DLGAP2: variants seen among roughly 807,000 people sequenced by gnomAD.
DLGAP2 encodes the protein DLG associated protein 2, also known as disks large-associated protein 2.
In DLGAP2, 26 loss-of-function variants were observed where a neutral mutation model predicts 100.3. That is an observed-to-expected ratio of 0.26 (90% CI 0.19 to 0.36). The LOEUF is 0.36. DLGAP2 is among the 10% of genes least tolerant of loss of function. DLGAP2 has a pLI of 1.00. For synonymous variants in DLGAP2, 886 were observed against 630.1 expected (o/e 1.41, Z -6.08); for missense variants, 1,858 against 1,453.2 (o/e 1.28, Z -4.53).
intron 2 of DLGAP2, among the ~76,000 whole-genome samples, chr8:1,125,118 C>T (rs886547347): frequency 6.6e-6 from 1 of 152,190 alleles, no homozygotes; most frequent in African/African-American, 2.4e-5. Flanking sequence ...AGACTCGGAC[C>T]ATTTTCCCAA....
At chr8:1,479,211 C>G (rs115868106) in intron 3 of DLGAP2, among the ~76,000 whole-genome samples, 1 of 152,200 alleles carries the variant, frequency 6.6e-6, no homozygotes, top group African/African-American at 2.4e-5. Context: ...AGGTCTAACA[C>G]GATGCTCCTT....
At chr8:849,467 G>A (rs1156482768) in intron 1 of DLGAP2, among the ~76,000 whole-genome samples, 4 of 152,230 alleles carry the variant, frequency 2.6e-5, no homozygotes, top group African/African-American at 9.6e-5. Flanking sequence ...TTAGTTCGAT[G>A]CCTGGGATGG....
chr8:1,191,075 T>C (rs1323067088), intron 2 of DLGAP2, among the ~76,000 whole-genome samples: 1 of 152,180 alleles, frequency 6.6e-6, no homozygotes, highest in East Asian at 1.9e-4. Flanking sequence ...GGCTGGGTTC[T>C]GAAGCTTTGA....
intron 3 of DLGAP2, among the ~76,000 whole-genome samples, chr8:1,334,980 C>G (rs1801242050): frequency 6.6e-6 from 1 of 152,208 alleles, no homozygotes; most frequent in Non-Finnish European, 1.5e-5. Flanking sequence ...GCAGGCACTT[C>G]CAGCAGGCCT....
intron 2 of DLGAP2, among the ~76,000 whole-genome samples, chr8:1,167,887 T>A (rs541644731): frequency 6.6e-6 from 1 of 152,184 alleles, no homozygotes; most frequent in African/African-American, 2.4e-5. Flanking sequence ...TGAGTCCATT[T>A]TTTTTTATTA....
At chr8:1,518,616 A>T (rs767034331) in intron 4 of DLGAP2, among the ~76,000 whole-genome samples, 1 of 152,108 alleles carries the variant, frequency 6.6e-6, no homozygotes, top group Non-Finnish European at 1.5e-5. Context: ...AGACACCCTT[A>T]TGTTCCTAGT....
intron 1 of DLGAP2, among the ~76,000 whole-genome samples, chr8:755,536 CTG>C (rs1402841351): frequency 6.6e-6 from 1 of 152,166 alleles, no homozygotes; most frequent in African/African-American, 2.4e-5. Context: ...TGAGCTCTGA[CTG>C]TGGGAGCAGC....
In DLGAP2 at chr8:795,837, TGTCCGGTGAGAGCAGGC is replaced by T. The variant is rs1476247370; in HGVS notation, c.18+58017_18+58033del. Among the ~76,000 whole-genome samples the T allele has an allele frequency of 1.3e-4, 14 of 110,300 alleles. 1 individual carries two copies. The highest frequency in any genetic ancestry group is 3.0e-4 in the East Asian group (1 of 3,324). The allele number at this position is 110,300 out of a possible 152,430, so 72.4% of individuals were successfully genotyped here. A position where few individuals can be genotyped will look rare whatever the true frequency, so the allele number is the denominator to read the frequency against. On this transcript the variant is annotated intron_variant, in intron 1 of 14. Transcript: ENST00000637795. Reference sequence around the variant, plus strand: ...AGAGCAGGCGTCCGGTGAGAGCAGCTGTCCGGTGAGAGCAGGCGTCCAGTGAGAGCAGGCGTCCAGTG... The same window carrying T: ...AGAGCAGGCGTCCGGTGAGAGCAGCTGTCCAGTGAGAGCAGGCGTCCAGTG...
chr8:1,075,619 T>C (rs558173534), intron 2 of DLGAP2, among the ~76,000 whole-genome samples: 15 of 152,280 alleles, frequency 9.9e-5, no homozygotes, highest in African/African-American at 3.6e-4. Context: ...GTTGAGGTCT[T>C]TGTATGTGAC....
intron 6 of DLGAP2, among the ~76,000 whole-genome samples, chr8:1,601,945 G>GATGTGATGTGTGT (rs1554506576): frequency 6.8e-6 from 1 of 146,348 alleles, no homozygotes; most frequent in Non-Finnish European, 1.5e-5. Context: ...AATTTAACAG[G>GATGTGATGTGTGT]GTGTGTGTGT....
intron 2 of DLGAP2, among the ~76,000 whole-genome samples, chr8:1,199,716 C>G (rs7843593): frequency 0.28 from 42,415 of 152,042 alleles, 5,931 homozygotes; most frequent in East Asian, 0.33. Context: ...GTGGCTCTCA[C>G]TCGGGCTGAA....
chr8:1,026,797 A>G (rs957814774), intron 2 of DLGAP2, among the ~76,000 whole-genome samples: 2 of 152,192 alleles, frequency 1.3e-5, no homozygotes, highest in African/African-American at 4.8e-5. Flanking sequence ...GCTTTAGGTA[A>G]AATATTTATG....
chr8:946,304 T>C (rs5029777), intron 2 of DLGAP2, among the ~76,000 whole-genome samples: 66,869 of 149,342 alleles, frequency 0.45, 15,815 homozygotes, highest in Admixed American at 0.56. Flanking sequence ...CACTCTGTCA[T>C]CCAGGCTGGA....
intron 3 of DLGAP2, among the ~76,000 whole-genome samples, chr8:1,279,498 A>T (rs1002541637): frequency 5.9e-5 from 9 of 152,186 alleles, no homozygotes; most frequent in Admixed American, 1.3e-4. Flanking sequence ...CTGCGGAGGG[A>T]AATTGCAATT....
intron 1 of DLGAP2, among the ~76,000 whole-genome samples, chr8:832,978 A>G (rs986500378): frequency 6.6e-6 from 1 of 152,232 alleles, no homozygotes; most frequent in South Asian, 2.1e-4. Context: ...TTTCTCACAC[A>G]GCACACTGAT....
intron 2 of DLGAP2, among the ~76,000 whole-genome samples, chr8:1,054,873 C>T (rs540793003): frequency 4.2e-4 from 64 of 152,320 alleles, no homozygotes; most frequent in Non-Finnish European, 5.9e-5. Flanking sequence ...CAACTGTTTT[C>T]ATTAATGCTT....
intron 2 of DLGAP2, among the ~76,000 whole-genome samples, chr8:1,152,323 G>A (rs551468808): frequency 2.6e-5 from 4 of 152,280 alleles, no homozygotes; most frequent in African/African-American, 9.6e-5. Context: ...TGTAAATTGT[G>A]AGGTAGTGTT....
intron 2 of DLGAP2, among the ~76,000 whole-genome samples, chr8:1,077,202 CAT>C (rs1803649123): frequency 6.6e-6 from 1 of 152,200 alleles, no homozygotes; most frequent in African/African-American, 2.4e-5. Flanking sequence ...GGACACCAGT[CAT>C]GTGGGGGCAG....
At chr8:1,594,591 T>TA (rs952792375) in intron 6 of DLGAP2, among the ~76,000 whole-genome samples, 3 of 152,014 alleles carry the variant, frequency 2.0e-5, no homozygotes, top group Non-Finnish European at 4.4e-5. Context: ...TTACAGAACT[T>TA]ACGGGAAATC....
Sources: allele counts gnomAD v4.1 joint callset (sites outside exome capture counted in the v4.1 genomes callset), GRCh38; gene constraint gnomAD v4.1.1; transcripts MANE v1.5; gene names NCBI Gene and HGNC (gene_info 2026-07-23, HGNC 2026-07-21).